Variants in BRAF observed in about 807,000 individuals in gnomAD.
BRAF encodes serine/threonine-protein kinase B-raf.
A neutral mutation model predicts 104.6 loss-of-function variants in BRAF; 16 were observed. The ratio of observed to expected loss-of-function variants is 0.15; its 90% CI spans 0.10 to 0.23. The LOEUF is 0.23. Ranked by LOEUF, BRAF falls within the 10% of genes least tolerant of loss-of-function variation. The pLI, the probability that BRAF is intolerant of heterozygous loss-of-function variation, is 1.00. For missense variants in BRAF, 541 were observed against 937.3 expected (o/e 0.58, Z 5.52); for synonymous variants, 310 against 341.6 (o/e 0.91, Z 1.02).
intron 18 of BRAF, among the ~76,000 whole-genome samples, chr7:140,736,449 T>C (rs1047346284): frequency 2.1e-5 from 3 of 144,400 alleles, no homozygotes; most frequent in African/African-American, 7.7e-5. Context: ...TTTTTGGAGA[T>C]GGAATTTCAC....
At chr7:140,895,134 T>C (rs1038849743) in intron 1 of BRAF, among the ~76,000 whole-genome samples, 1 of 152,062 alleles carries the variant, frequency 6.6e-6, no homozygotes, top group African/African-American at 2.4e-5. Context: ...TACAATAAAA[T>C]GTATCCAGTG....
At chr7:140,808,102 C>T (rs1435070055) in intron 4 of BRAF, 40 bp from the exon 5 acceptor site, 1 of 1,463,420 alleles carries the variant, frequency 6.8e-7, no homozygotes, top group South Asian at 1.1e-5. Context: ...GTTATTACAC[C>T]TAAAAATATT....
At chr7:140,867,493 T>C (rs931280708) in intron 1 of BRAF, among the ~76,000 whole-genome samples, 5 of 151,370 alleles carry the variant, frequency 3.3e-5, no homozygotes, top group South Asian at 2.1e-4. Flanking sequence ...CCTGACCTCA[T>C]AGAGCATACA....
At chr7:140,832,061 TA>T (rs1180733500) in intron 3 of BRAF, among the ~76,000 whole-genome samples, 2 of 152,240 alleles carry the variant, frequency 1.3e-5, no homozygotes, top group East Asian at 3.8e-4. Context: ...CAGGAATTCT[TA>T]AAAATTTCTA....
intron 8 of BRAF, among the ~76,000 whole-genome samples, chr7:140,793,827 A>G (rs1016888093): frequency 2.0e-5 from 3 of 152,046 alleles, no homozygotes; most frequent in Non-Finnish European, 2.9e-5. Context: ...GGGTCTCACT[A>G]TGTTGCCTAG....
At chr7:140,888,913 C>T (rs746256791) in intron 1 of BRAF, among the ~76,000 whole-genome samples, 5 of 152,112 alleles carry the variant, frequency 3.3e-5, no homozygotes, top group Non-Finnish European at 5.9e-5. Context: ...AAATGTCTCC[C>T]GGCATTTTTG....
chr7:140,722,576 G>GA lies in BRAF; in HGVS notation c.*3917_*3918insT. ...CTATGGTGTTTATAGCCTAATGGTT[G>GA]GAATCTGCTCGTCTCAAGGTGCTGG... On this transcript the variant is annotated 3_prime_UTR_variant, in exon 20 of 20. Coordinates refer to ENST00000644969, the MANE Select transcript of BRAF (RefSeq NM_001374258.1). The GA allele has an allele frequency of 9.5e-7, 1 of 1,055,486 alleles. No homozygotes were observed. The highest frequency in any genetic ancestry group is 1.1e-6 in the Non-Finnish European group (1 of 873,150). 65.4% of individuals were successfully genotyped at this position (1,055,486 alleles called of 1,614,324 possible).
chr7:140,833,166 G>C (rs918054779), intron 3 of BRAF, among the ~76,000 whole-genome samples: 1 of 152,078 alleles, frequency 6.6e-6, no homozygotes, highest in African/African-American at 2.4e-5. Context: ...TTACAGGCAC[G>C]AGCCACTGTG....
chr7:140,828,191 C>T (rs1806288429), intron 3 of BRAF, among the ~76,000 whole-genome samples: 1 of 152,096 alleles, frequency 6.6e-6, no homozygotes, highest in Admixed American at 6.5e-5. Flanking sequence ...CCGTACCTGG[C>T]CAAAATTTGT....
intron 14 of BRAF, among the ~76,000 whole-genome samples, chr7:140,760,810 G>A (rs1798643625): frequency 6.6e-6 from 1 of 152,048 alleles, no homozygotes; most frequent in Non-Finnish European, 1.5e-5. Context: ...TGAAATGAAT[G>A]AAATGAAGCG....
At chr7:140,923,210 G>A (rs548465995) in intron 1 of BRAF, among the ~76,000 whole-genome samples, 2 of 152,064 alleles carry the variant, frequency 1.3e-5, no homozygotes, top group East Asian at 3.9e-4. Flanking sequence ...AAAAATTGCA[G>A]AGAGAATGAG....
chr7:140,900,472 T>C (rs1411426327), intron 1 of BRAF, among the ~76,000 whole-genome samples: 3 of 152,220 alleles, frequency 2.0e-5, no homozygotes, highest in Admixed American at 2.0e-4. Flanking sequence ...TTCCAGCAAG[T>C]GTATCCTTTC....
chr7:140,719,743 T>A lies in BRAF; in HGVS notation c.*6751A>T. ...AAAAATAAGCTTTAAAAATAGTTAC[T>A]CCATTGTAATTTTTGCAAAGCAGGT... is the stretch of plus-strand genomic sequence containing the variant. On this transcript the variant is annotated 3_prime_UTR_variant, in exon 20 of 20. Coordinates refer to ENST00000644969, the MANE Select transcript of BRAF (RefSeq NM_001374258.1). The A allele has an allele frequency of 9.4e-7, 1 of 1,062,556 alleles. No homozygotes were observed. The highest frequency in any genetic ancestry group is 1.1e-6 in the Non-Finnish European group (1 of 877,650). The allele number at this position is 1,062,556 out of a possible 1,614,324, so 65.8% of individuals were successfully genotyped here. A position where few individuals can be genotyped will look rare whatever the true frequency, so the allele number is the denominator to read the frequency against.
intron 1 of BRAF, among the ~76,000 whole-genome samples, chr7:140,916,302 C>T (rs943066432): frequency 6.6e-6 from 1 of 152,156 alleles, no homozygotes; most frequent in Non-Finnish European, 1.5e-5. Flanking sequence ...GCCCTATAGG[C>T]CCCACTGAAA....
At chr7:140,922,137 T>A (rs1033844266) in intron 1 of BRAF, among the ~76,000 whole-genome samples, 4 of 152,218 alleles carry the variant, frequency 2.6e-5, no homozygotes, top group Non-Finnish European at 5.9e-5. Flanking sequence ...GGAAAACTAC[T>A]GTTCACCACT....
intron 1 of BRAF, among the ~76,000 whole-genome samples, chr7:140,895,771 G>A (rs753913821): frequency 7.2e-5 from 11 of 151,990 alleles, no homozygotes; most frequent in Admixed American, 1.3e-4. Flanking sequence ...TCCTTTTTAC[G>A]GCTGAATAGC....
chr7:140,884,429 A>ATATGTG (rs1290111251), intron 1 of BRAF, among the ~76,000 whole-genome samples: 1 of 127,462 alleles, frequency 7.8e-6, no homozygotes, highest in Non-Finnish European at 1.7e-5. Flanking sequence ...TATATAAGAT[A>ATATGTG]TGTGTGTGTG....
chr7:140,749,240 T>A (rs181768086), intron 17 of BRAF, 47 bp downstream of exon 16: 24 of 1,608,074 alleles, frequency 1.5e-5, no homozygotes, highest in Non-Finnish European at 2.0e-5. Context: ...AACTGGAGCC[T>A]TGTATATAGA....
chr7:140,860,513 C>T (rs1810308146), intron 1 of BRAF, among the ~76,000 whole-genome samples: 1 of 150,412 alleles, frequency 6.6e-6, no homozygotes. Flanking sequence ...GATGCGGTAC[C>T]ACATACTTGT....
Sources: allele counts gnomAD v4.1 joint callset (sites outside exome capture counted in the v4.1 genomes callset), GRCh38; gene constraint gnomAD v4.1.1; transcripts MANE v1.5; gene names NCBI Gene and HGNC (gene_info 2026-07-23, HGNC 2026-07-21).